ZNF160: variants seen among roughly 807,000 people sequenced by gnomAD.
ZNF160 encodes the protein KRAB zinc finger protein KR18.
ZNF160 carries 9 observed loss-of-function variants against 13.1 expected under a neutral mutation model. That is an observed-to-expected ratio of 0.69 (90% CI 0.41 to 1.20). The LOEUF is 1.20. ZNF160 is among the 50% of genes most tolerant of loss of function. The pLI is 0.01. For synonymous variants in ZNF160, 293 were observed against 333.2 expected (o/e 0.88, Z 1.31); for missense variants, 838 against 988.0 (o/e 0.85, Z 2.04).
At chr19:53,075,318 T>C in intron 3 of ZNF160, 135 bp from the exon 4 acceptor site, 2 of 1,175,334 alleles carry the variant, frequency 1.7e-6, no homozygotes, top group Non-Finnish European at 2.4e-6. Context: ...TGTGACAATG[T>C]GACATACAGA....
intron 3 of ZNF160, among the ~76,000 whole-genome samples, chr19:53,080,778 A>C (rs2084600784): frequency 6.6e-6 from 1 of 152,242 alleles, no homozygotes; most frequent in Admixed American, 6.5e-5. Context: ...TCCTAAGCAA[A>C]AGGAATAAAG....
At chr19:53,086,428 C>T (rs1339415701) in intron 2 of ZNF160, 107 bp from the exon 3 acceptor site, 1 of 872,144 alleles carries the variant, frequency 1.1e-6, no homozygotes, top group South Asian at 2.5e-5. Flanking sequence ...GTCACACGCA[C>T]AGATCTCACC....
At position 53,068,167 on chromosome 19, in the gene ZNF160, G is replaced by T; in HGVS notation, c.2367C>A (p.Tyr789Ter). ...HMAIHTGEKR[Y>*]KCNECGKVFR... ...AGACCTTGCCACACTCATTACATTT[G>T]TAACGCTTTTCTCCAGTGTGGATTG... Residue 789 changes from tyrosine to a stop codon, truncating the protein, a stop_gained, in exon 6 of 6, where the codon TAC becomes TAA. Transcript: ENST00000683776. LOFTEE classifies it low-confidence loss of function (END_TRUNC). 6.2e-7 allele frequency: 1 copy of T among 1,614,126 alleles called. No homozygotes were observed. The highest frequency in any genetic ancestry group is 8.5e-7 in the Non-Finnish European group (1 of 1,180,018).
chr19:53,073,595 T>C, intron 5 of ZNF160: 1 of 1,454,764 alleles, frequency 6.9e-7, no homozygotes, highest in Non-Finnish European at 9.0e-7. Flanking sequence ...CTGACCCATA[T>C]GGACTAAGAA....
At chr19:53,075,250 A>G in intron 3 of ZNF160, 67 bp from the exon 4 acceptor site, 1 of 1,585,354 alleles carries the variant, frequency 6.3e-7, no homozygotes, top group Non-Finnish European at 8.6e-7. Flanking sequence ...TAAAAGGAGA[A>G]GAGGAGAAAA....
chr19:53,071,048 T>C (rs2084153767), intron 5 of ZNF160, among the ~76,000 whole-genome samples: 1 of 151,228 alleles, frequency 6.6e-6, no homozygotes, highest in Non-Finnish European at 1.5e-5. Flanking sequence ...ATACAAAAAT[T>C]AGTCAGGCGT....
At chr19:53,080,449 C>A (rs1471332940) in intron 3 of ZNF160, among the ~76,000 whole-genome samples, 2 of 152,172 alleles carry the variant, frequency 1.3e-5, no homozygotes, top group African/African-American at 4.8e-5. Flanking sequence ...AGAAACACAT[C>A]ATCAAGAATG....
At position 53,068,019 on chromosome 19, in the gene ZNF160, C is replaced by A; in HGVS notation, c.*58G>T. On this transcript the variant is annotated 3_prime_UTR_variant, in exon 6 of 6. Transcript: ENST00000683776. The stretch of plus-strand genomic sequence containing the variant: ...GTCACTACATTTGTAAGGATTCTGT[C>A]AAGAATGAAATTAACTGATGTGAAA... The A allele has an allele frequency of 6.5e-7, 1 of 1,533,270 alleles. No homozygotes were observed. Among genetic ancestry groups the A allele is most frequent in the South Asian group, 1.3e-5 (1 of 77,278 alleles). The allele number at this position is 1,533,270 out of a possible 1,614,324, so 95.0% of individuals were successfully genotyped here.
chr19:53,073,179 A>G, intron 5 of ZNF160: 1 of 1,408,834 alleles, frequency 7.1e-7, no homozygotes, highest in East Asian at 2.6e-5. Context: ...TGCTGCTATT[A>G]GTTTTATTGG....
At chr19:53,083,535 G>C (rs564281383) in intron 3 of ZNF160, among the ~76,000 whole-genome samples, 21 of 152,280 alleles carry the variant, frequency 1.4e-4, no homozygotes, top group African/African-American at 5.1e-4. Context: ...TGAGAAAGGG[G>C]TAAGCAACGA....
intron 1 of ZNF160, among the ~76,000 whole-genome samples, chr19:53,093,955 C>T (rs1600905429): frequency 6.6e-6 from 1 of 152,136 alleles, no homozygotes; most frequent in Non-Finnish European, 1.5e-5. Context: ...AATTCCCTTA[C>T]AATTGTGTAA....
At chr19:53,081,846 T>G (rs1182447879) in intron 3 of ZNF160, among the ~76,000 whole-genome samples, 1 of 152,130 alleles carries the variant, frequency 6.6e-6, no homozygotes, top group Non-Finnish European at 1.5e-5. Flanking sequence ...CCATTTACAA[T>G]AGCAAAGACA....
At chr19:53,099,808 G>A (rs939864767) in intron 1 of ZNF160, among the ~76,000 whole-genome samples, 3 of 152,216 alleles carry the variant, frequency 2.0e-5, no homozygotes, top group African/African-American at 4.8e-5. Context: ...TCACCTTCAC[G>A]TTGCAGGTGG....
chr19:53,083,457 G>A (rs574474583), intron 3 of ZNF160, among the ~76,000 whole-genome samples: 3 of 152,216 alleles, frequency 2.0e-5, no homozygotes, highest in African/African-American at 4.8e-5. Context: ...TCCACTGGTA[G>A]ATAAAGATAA....
At chr19:53,086,684 A>G (rs1208599857) in intron 2 of ZNF160, among the ~76,000 whole-genome samples, 1 of 152,146 alleles carries the variant, frequency 6.6e-6, no homozygotes, top group Non-Finnish European at 1.5e-5. Flanking sequence ...TCCCAGGCTG[A>G]GCTCAGCCTT....
At chr19:53,072,024 T>C (rs1290418493) in intron 5 of ZNF160, among the ~76,000 whole-genome samples, 1 of 152,086 alleles carries the variant, frequency 6.6e-6, no homozygotes, top group African/African-American at 2.4e-5. Flanking sequence ...AAATACTTGT[T>C]ATATAACTAT....
chr19:53,090,126 CT>C (rs2084979830), intron 2 of ZNF160, among the ~76,000 whole-genome samples: 1 of 151,774 alleles, frequency 6.6e-6, no homozygotes, highest in African/African-American at 2.4e-5. Context: ...CCTTCCCATA[CT>C]GTGGTTCTCC....
At chr19:53,074,051 A>G in intron 5 of ZNF160, 89 bp downstream of exon 5, 2 of 1,338,482 alleles carry the variant, frequency 1.5e-6, no homozygotes, top group South Asian at 1.3e-5. Flanking sequence ...TGGCCTCCCT[A>G]AGTGTTGAGA....
At chr19:53,074,324 C>G (rs2084298648) in intron 4 of ZNF160, 56 bp from the exon 5 acceptor site, 5 of 1,602,898 alleles carry the variant, frequency 3.1e-6, no homozygotes, top group Non-Finnish European at 4.3e-6. Flanking sequence ...AATCCCAGCC[C>G]TATGTTTACA....
Sources: gnomAD v4.1 joint callset for allele counts (sites outside exome capture counted in the v4.1 genomes callset) on GRCh38, gnomAD v4.1.1 for gene constraint, MANE v1.5 for transcripts, NCBI Gene and HGNC (gene_info 2026-07-23, HGNC 2026-07-21) for gene names.